Variants in UTP18 observed in about 807,000 individuals in gnomAD.
UTP18 encodes the protein UTP18 small subunit processome component.
Under a neutral mutation model 61.1 loss-of-function variants are expected in UTP18, and 36 were observed. The ratio of observed to expected loss-of-function variants is 0.59; its 90% CI spans 0.45 to 0.78. UTP18 has a LOEUF of 0.78. Ranked by LOEUF, UTP18 falls within the 30% of genes least tolerant of loss-of-function variation. The probability of loss-of-function intolerance (pLI) is 0.00; values close to 1 mark genes in which losing one functional copy is unlikely to be tolerated. For missense variants in UTP18, 753 were observed against 693.9 expected, an observed-to-expected ratio of 1.09 and a Z score of -0.96; for synonymous variants, 282 against 251.1, an observed-to-expected ratio of 1.12 and a Z score of -1.16.
chr17:51,291,002 A>G (rs1043638138), intron 11 of UTP18, among the ~76,000 whole-genome samples: 1 of 152,230 alleles, frequency 6.6e-6, no homozygotes, highest in African/African-American at 2.4e-5. Context: ...TTTTGGATAT[A>G]GTAGAACGTC....
At chr17:51,282,250 A>G (rs1237774928) in intron 9 of UTP18, among the ~76,000 whole-genome samples, 1 of 152,182 alleles carries the variant, frequency 6.6e-6, no homozygotes, top group African/African-American at 2.4e-5. Flanking sequence ...TGGTAATATA[A>G]CATTAATAAA....
At chr17:51,282,234 A>G (rs1006158259) in intron 9 of UTP18, among the ~76,000 whole-genome samples, 3 of 152,216 alleles carry the variant, frequency 2.0e-5, no homozygotes, top group African/African-American at 4.8e-5. Flanking sequence ...CTCAGCTAGG[A>G]GCATTTGGTA....
At chr17:51,268,056 C>A (rs1310781675) in intron 3 of UTP18, among the ~76,000 whole-genome samples, 10 of 144,832 alleles carry the variant, frequency 6.9e-5, no homozygotes, top group Non-Finnish European at 1.2e-4. Context: ...GTCGCCCAGG[C>A]TGGAGTGCAG....
At chr17:51,286,274 G>A (rs1024691453) in intron 10 of UTP18, among the ~76,000 whole-genome samples, 1 of 152,128 alleles carries the variant, frequency 6.6e-6, no homozygotes, top group African/African-American at 2.4e-5. Flanking sequence ...TGGATACTTC[G>A]CAGTAATTCT....
At chr17:51,263,186 T>G in intron 1 of UTP18, 88 bp from the exon 2 acceptor site, 1 of 1,044,046 alleles carries the variant, frequency 9.6e-7, no homozygotes, top group Non-Finnish European at 1.4e-6. Context: ...GAAAAAACAT[T>G]CTATGAGCCA....
At chr17:51,294,154 T>C in intron 12 of UTP18, 109 bp downstream of exon 12, 1 of 837,190 alleles carries the variant, frequency 1.2e-6, no homozygotes, top group Non-Finnish European at 1.6e-6. Context: ...CTAGTCTGTT[T>C]ATCTTGACTC....
At chr17:51,275,137 T>C (rs546584443) in intron 5 of UTP18, among the ~76,000 whole-genome samples, 1 of 147,856 alleles carries the variant, frequency 6.8e-6, no homozygotes, top group East Asian at 2.0e-4. Flanking sequence ...GCAGAGGTTG[T>C]GGTGAGTCGA....
intron 10 of UTP18, among the ~76,000 whole-genome samples, chr17:51,287,017 C>T (rs1905138093): frequency 6.7e-6 from 1 of 149,988 alleles, no homozygotes; most frequent in Non-Finnish European, 1.5e-5. Context: ...TGATGTTCCC[C>T]TTCCTGTGTC....
At chr17:51,273,490 T>C in intron 5 of UTP18, 40 bp downstream of exon 5, 1 of 1,479,968 alleles carries the variant, frequency 6.8e-7, no homozygotes, top group Non-Finnish European at 9.3e-7. Flanking sequence ...TCTAACTACT[T>C]ACCTCTGCAG....
intron 9 of UTP18, among the ~76,000 whole-genome samples, chr17:51,283,223 C>CAGTGAA (rs1223266545): frequency 2.0e-5 from 3 of 150,156 alleles, no homozygotes. Flanking sequence ...GGCTGGAGTG[C>CAGTGAA]AGTGGTGTGA....
At chr17:51,287,195 C>T (rs894213146) in intron 10 of UTP18, among the ~76,000 whole-genome samples, 1 of 152,168 alleles carries the variant, frequency 6.6e-6, no homozygotes, top group East Asian at 1.9e-4. Context: ...GAATCTAATA[C>T]TAGTAGCTTA....
intron 4 of UTP18, among the ~76,000 whole-genome samples, chr17:51,272,418 G>A (rs558815469): frequency 2.0e-5 from 3 of 152,204 alleles, no homozygotes; most frequent in African/African-American, 7.2e-5. Context: ...TATTTTTAAG[G>A]TTTGTGTCTG....
At chr17:51,260,966 C>T (rs1211915225) in intron 1 of UTP18, 40 bp downstream of exon 1, 2 of 1,428,516 alleles carry the variant, frequency 1.4e-6, no homozygotes, top group Admixed American at 6.8e-5. Context: ...CGCACTCGGG[C>T]GGGGCGCGCG....
At chr17:51,291,784 A>C (rs1176560536) in intron 11 of UTP18, among the ~76,000 whole-genome samples, 1 of 152,076 alleles carries the variant, frequency 6.6e-6, no homozygotes, top group Non-Finnish European at 1.5e-5. Flanking sequence ...TCAGATAGAA[A>C]GGTTGGTTCT....
chr17:51,276,976 A>C (rs1010898522), intron 6 of UTP18, among the ~76,000 whole-genome samples, 154 bp from the exon 7 acceptor site: 1 of 152,216 alleles, frequency 6.6e-6, no homozygotes, highest in African/African-American at 2.4e-5. Context: ...TGACATAGGC[A>C]TGGTTGATTA....
chr17:51,267,652 G>A (rs1904345369), intron 3 of UTP18, among the ~76,000 whole-genome samples: 1 of 152,094 alleles, frequency 6.6e-6, no homozygotes, highest in South Asian at 2.1e-4. Context: ...GTATTTTGGT[G>A]AGGAGTATCT....
chr17:51,260,601 G>C lies in UTP18; in HGVS notation c.17G>C (p.Arg6Thr). The change falls in exon 1 of 14, where the codon AGG becomes ACG. Residue 6 changes from arginine to threonine, a missense_variant. Coordinates refer to ENST00000225298, the MANE Select transcript of UTP18 (RefSeq NM_016001.3). MPPER[R>T]RRMKLDRRTG... ...AACCTAACGATGCCGCCGGAGCGGA[G>C]GAGACGAATGAAACTGGACCGGAGA... 1.9e-6 allele frequency: 3 copies of C among 1,612,570 alleles called. No individual in the cohort carries two copies. The highest frequency in any genetic ancestry group is 2.5e-6 in the Non-Finnish European group (3 of 1,179,668).
At chr17:51,282,681 G>A (rs538808452) in intron 9 of UTP18, among the ~76,000 whole-genome samples, 50 of 152,194 alleles carry the variant, frequency 3.3e-4, no homozygotes, top group African/African-American at 1.1e-3. Flanking sequence ...TATATGAATT[G>A]GACGCAGATA....
chr17:51,282,867 C>CTTTTTTTTTTT (rs534175274), intron 9 of UTP18, among the ~76,000 whole-genome samples: 7 of 120,696 alleles, frequency 5.8e-5, no homozygotes, highest in African/African-American at 1.1e-4. Flanking sequence ...TCTTCTTCTT[C>CTTTTTTTTTTT]TTTTTTTTTT....
Sources: allele counts gnomAD v4.1 joint callset (sites outside exome capture counted in the v4.1 genomes callset), GRCh38; gene constraint gnomAD v4.1.1; transcripts MANE v1.5; gene names NCBI Gene and HGNC (gene_info 2026-07-23, HGNC 2026-07-21).